LANCL2: variants seen among roughly 807,000 people sequenced by gnomAD.
LANCL2 encodes LanC like glutathione S-transferase 2, also known as lanC-like protein 2.
A neutral mutation model predicts 56.9 loss-of-function variants in LANCL2; 33 were observed. The ratio of observed to expected loss-of-function variants is 0.58; its 90% confidence interval spans 0.44 to 0.78. LANCL2 has a LOEUF of 0.78. Ranked by LOEUF, LANCL2 falls within the 30% of genes least tolerant of loss-of-function variation. The pLI is 0.00. For missense variants in LANCL2, 562 were observed against 580.2 expected, an observed-to-expected ratio of 0.97 and a Z score of 0.32; for synonymous variants, 233 against 228.2, an observed-to-expected ratio of 1.02 and a Z score of -0.19.
intron 6 of LANCL2, among the ~76,000 whole-genome samples, 172 bp downstream of exon 6, chr7:55,412,261 G>C (rs571876303): frequency 6.6e-6 from 1 of 152,192 alleles, no homozygotes; most frequent in Non-Finnish European, 1.5e-5. Flanking sequence ...ACTGTCATTA[G>C]TGCTGCAAGT....
At chr7:55,430,880 G>T (rs1790719489) in intron 8 of LANCL2, among the ~76,000 whole-genome samples, 1 of 152,208 alleles carries the variant, frequency 6.6e-6, no homozygotes. Context: ...GCAACTTTGA[G>T]CATATACAGG....
Position 55,432,088 on chromosome 7 carries a change from C to T in LANCL2, c.*768C>T, listed in dbSNP as rs1014696425. On this transcript the variant is annotated 3_prime_UTR_variant, in exon 9 of 9. Coordinates refer to ENST00000254770, the MANE Select transcript of LANCL2 (RefSeq NM_018697.4). ...AAGCCTTTGATGGCCACACTGTAGG[C>T]AGCAGTGACTAAGCACTGGCAGTTC... 2 of 152,206 alleles carry T rather than the reference C, an allele frequency of 1.3e-5. No individual in the cohort carries two copies. Among genetic ancestry groups the T allele is most frequent in the African/African-American group, 4.8e-5 (2 of 41,450 alleles). The allele number at this position is 152,206 out of a possible 1,614,324, so 9.4% of individuals were successfully genotyped here.
chr7:55,425,277 G>C lies in LANCL2; in HGVS notation c.1032G>C (p.Leu344Phe). The change falls in exon 7 of 9, where the codon TTG becomes TTC. Residue 344 changes from leucine to phenylalanine, a missense_variant. Transcript: ENST00000254770. ...AGGTCTTTAAGGAGGAGAAGTACTT[G>C]AAAGAGGCCATGGAGTGTAGCGATG... is the stretch of plus-strand genomic sequence containing the variant. The part of the protein sequence containing the change: ...AYKVFKEEKY[L>F]KEAMECSDVI... The C allele has an allele frequency of 6.2e-7, 1 of 1,614,154 alleles. No homozygotes were observed. Among genetic ancestry groups the C allele is most frequent in the Non-Finnish European group, 8.5e-7 (1 of 1,180,006 alleles).
chr7:55,401,515 C>CTTTTTTTTTTTTTTTTTTTT (rs58005456), intron 5 of LANCL2, among the ~76,000 whole-genome samples, 195 bp downstream of exon 5: 1 of 58,046 alleles, frequency 1.7e-5, no homozygotes, highest in Non-Finnish European at 3.0e-5. Context: ...GGTATGGAGT[C>CTTTTTTTTTTTTTTTTTTTT]TTTTTTTTTT....
At chr7:55,415,498 C>G (rs1790518158) in intron 6 of LANCL2, among the ~76,000 whole-genome samples, 2 of 152,092 alleles carry the variant, frequency 1.3e-5, no homozygotes, top group Admixed American at 1.3e-4. Flanking sequence ...CTAGGGGTAT[C>G]AGAATTACTT....
At position 55,433,244 on chromosome 7, in the gene LANCL2, C is replaced by CCA. The variant is rs1378648251; in HGVS notation, c.*1930_*1931dup. The CCA allele has an allele frequency of 6.6e-6, 1 of 152,252 alleles. No homozygotes were observed. The highest frequency in any genetic ancestry group is 2.4e-5 in the African/African-American group (1 of 41,440). The allele number at this position is 152,252 out of a possible 1,614,324, so 9.4% of individuals were successfully genotyped here. A position where few individuals can be genotyped will look rare whatever the true frequency, so the allele number is the denominator to read the frequency against. On this transcript the variant is annotated 3_prime_UTR_variant, in exon 9 of 9. Transcript: ENST00000254770. ...CGGGTGTCTCCCCAGGTGAGTCCAT[C>CCA]CACACACGTTTGAAAAACACTATTA...
intron 6 of LANCL2, among the ~76,000 whole-genome samples, chr7:55,418,257 C>T (rs1790567788): frequency 6.6e-6 from 1 of 151,620 alleles, no homozygotes. Context: ...TCACGGCTCA[C>T]TGCAGCCTCT....
chr7:55,413,708 C>T (rs536133179), intron 6 of LANCL2, among the ~76,000 whole-genome samples: 43 of 152,370 alleles, frequency 2.8e-4, no homozygotes, highest in Non-Finnish European at 1.9e-4. Context: ...GAATACCATT[C>T]AGACACCTTG....
intron 2 of LANCL2, among the ~76,000 whole-genome samples, chr7:55,393,160 G>T (rs1436282228): frequency 1.3e-5 from 2 of 152,164 alleles, no homozygotes; most frequent in African/African-American, 4.8e-5. Context: ...TCAGGGATTA[G>T]ACTGAAGTCC....
chr7:55,376,347 A>G (rs951832350), intron 1 of LANCL2, among the ~76,000 whole-genome samples: 26 of 152,190 alleles, frequency 1.7e-4, no homozygotes, highest in Non-Finnish European at 3.1e-4. Flanking sequence ...CATTCCTTTC[A>G]TGGGGCTCAG....
chr7:55,428,867 G>A (rs961391580), intron 8 of LANCL2, among the ~76,000 whole-genome samples: 7 of 152,166 alleles, frequency 4.6e-5, no homozygotes, highest in African/African-American at 1.7e-4. Flanking sequence ...ATATTAGTAA[G>A]TAGAAAAAAT....
intron 1 of LANCL2, among the ~76,000 whole-genome samples, chr7:55,369,447 C>A (rs1346163572): frequency 1.3e-5 from 2 of 152,160 alleles, no homozygotes; most frequent in Non-Finnish European, 2.9e-5. Flanking sequence ...CCACTCAAGT[C>A]GGCTTCTCTG....
chr7:55,412,145 C>G lies in LANCL2; in HGVS notation c.1008+56C>G, dbSNP rs1790478722. 9 of 1,545,566 alleles carry G rather than the reference C, an allele frequency of 5.8e-6. No individual in the cohort carries two copies. In the East Asian group the frequency reaches 6.8e-5, roughly 12 times the overall value. On this transcript the variant is annotated intron_variant, in intron 6 of 8. Coordinates refer to ENST00000254770, the MANE Select transcript of LANCL2 (RefSeq NM_018697.4). Reference sequence around the variant, plus strand: ...TGTGTGGGGAGCCAGGTTTCCCTGTCAGGTTTTGGGTCTTGCTTTGGTAAG... The same window carrying G: ...TGTGTGGGGAGCCAGGTTTCCCTGTGAGGTTTTGGGTCTTGCTTTGGTAAG...
chr7:55,376,487 G>A (rs1214084680), intron 1 of LANCL2, among the ~76,000 whole-genome samples: 2 of 152,100 alleles, frequency 1.3e-5, no homozygotes, highest in African/African-American at 4.8e-5. Context: ...ATCAAAGAAA[G>A]GGTCTCCTAG....
chr7:55,419,560 C>T (rs1790585950), intron 6 of LANCL2, among the ~76,000 whole-genome samples: 1 of 151,912 alleles, frequency 6.6e-6, no homozygotes. Flanking sequence ...AGGTACCACG[C>T]CTGACTAATT....
chr7:55,399,360 T>TTAA (rs1562863279), intron 3 of LANCL2, among the ~76,000 whole-genome samples: 2 of 142,886 alleles, frequency 1.4e-5, no homozygotes, highest in Admixed American at 7.1e-5. Flanking sequence ...TTTTTTTTTC[T>TTAA]GAGATGGAAT....
chr7:55,409,314 G>T (rs1264963408), intron 5 of LANCL2, among the ~76,000 whole-genome samples: 2 of 151,550 alleles, frequency 1.3e-5, no homozygotes, highest in Non-Finnish European at 2.9e-5. Flanking sequence ...GGACGGTCTC[G>T]ATCTGACCTC....
chr7:55,425,852 G>A (rs815975), intron 7 of LANCL2, among the ~76,000 whole-genome samples: 109,848 of 152,062 alleles, frequency 0.72, 40,187 homozygotes, highest in African/African-American at 0.82. Flanking sequence ...ACCCTCCACG[G>A]CTTCCCATTG....
chr7:55,402,415 C>T (rs1330715441), intron 5 of LANCL2, among the ~76,000 whole-genome samples: 138 of 109,490 alleles, frequency 1.3e-3, no homozygotes, highest in Non-Finnish European at 1.8e-3. Context: ...GGCGGCTGGC[C>T]GGGCGGGGGG....
Sources: allele counts gnomAD v4.1 joint callset (sites outside exome capture counted in the v4.1 genomes callset), GRCh38; gene constraint gnomAD v4.1.1; transcripts MANE v1.5; gene names NCBI Gene and HGNC (gene_info 2026-07-23, HGNC 2026-07-21).